The following RGL3 variants were observed in gnomAD, a reference collection of about 807,000 sequenced individuals.
RGL3 encodes ral guanine nucleotide dissociation stimulator-like 3.
RGL3 carries 85 observed loss-of-function variants against 90.6 expected under a neutral mutation model. The observed-to-expected ratio is 0.94, with a 90% CI of 0.79 to 1.12. The LOEUF (loss-of-function observed/expected upper bound fraction) is 1.12. RGL3 is among the 50% of genes most tolerant of loss of function. The pLI, the probability that RGL3 is intolerant of heterozygous loss-of-function variation, is 0.00. For missense variants in RGL3, 1,034 were observed against 939.2 expected (o/e 1.10, Z -1.32); for synonymous variants, 408 against 385.5 (o/e 1.06, Z -0.68).
In RGL3 at chr19:11,394,108, C is replaced by G; in HGVS notation, c.*294G>C. ...TCATCCGCATCTGTCACTTCTGATG[C>G]GTCTCTAACATTTATAAGATTTCTC... On this transcript the variant is annotated 3_prime_UTR_variant, in exon 19 of 19. Coordinates refer to ENST00000380456, the MANE Select transcript of RGL3 (RefSeq NM_001035223.4). 1 of 320,498 alleles carries G rather than the reference C, an allele frequency of 3.1e-6. No individual in the cohort carries two copies. Among genetic ancestry groups the G allele is most frequent in the Non-Finnish European group, 6.0e-6 (1 of 167,816 alleles). The allele number at this position is 320,498 out of a possible 1,614,324, so 19.9% of individuals were successfully genotyped here.
At chr19:11,414,482 T>TATATAC (rs1332584540) in intron 5 of RGL3, among the ~76,000 whole-genome samples, 3 of 87,360 alleles carry the variant, frequency 3.4e-5, no homozygotes, top group African/African-American at 1.0e-4. Context: ...TATATATATA[T>TATATAC]ACACCTTCAT....
intron 16 of RGL3, among the ~76,000 whole-genome samples, chr19:11,398,200 C>G (rs1321765278): frequency 2.0e-5 from 3 of 152,102 alleles, no homozygotes; most frequent in Non-Finnish European, 4.4e-5. Flanking sequence ...ACACACAACC[C>G]ATGCTCATAC....
chr19:11,417,209 T>C lies in RGL3; in HGVS notation c.148-150A>G, dbSNP rs556079021. 18 of 641,538 alleles carry C rather than the reference T, an allele frequency of 2.8e-5. No individual in the cohort carries two copies. In the East Asian group the frequency reaches 5.2e-4, roughly 19 times the overall value. The allele number at this position is 641,538 out of a possible 1,614,324, so 39.7% of individuals were successfully genotyped here. On this transcript the variant is annotated intron_variant, in intron 2 of 18. Transcript: ENST00000380456. ...CTCTGTTGCCCAGGCTGGAGTGCAG[T>C]GGCACGATCTTGGGTCACTTCAACT...
At position 11,406,404 on chromosome 19, in the gene RGL3, G is replaced by C; in HGVS notation, c.996+15C>G. 1 of 1,523,758 alleles carries C rather than the reference G, an allele frequency of 6.6e-7. No individual in the cohort carries two copies. The highest frequency in any genetic ancestry group is 8.8e-7 in the Non-Finnish European group (1 of 1,137,808). The allele number at this position is 1,523,758 out of a possible 1,614,324, so 94.4% of individuals were successfully genotyped here. ...GGGCCCGCCCCCGCATCCCCTCTCCGCGCCCGCAACACACCTGGGCGATGC... is the reference window on the plus strand; with the variant it reads ...GGGCCCGCCCCCGCATCCCCTCTCCCCGCCCGCAACACACCTGGGCGATGC... On this transcript the variant is annotated intron_variant, in intron 7 of 18. Transcript: ENST00000380456.
Position 11,402,407 on chromosome 19 carries a change from T to TG in RGL3, c.1329+47dup, listed in dbSNP as rs758216387. The TG allele has an allele frequency of 3.8e-6, 6 of 1,577,258 alleles. No individual in the cohort carries two copies. In the African/African-American group the frequency reaches 8.1e-5, roughly 21 times the overall value. On this transcript the variant is annotated intron_variant, in intron 11 of 18. Coordinates refer to ENST00000380456, the MANE Select transcript of RGL3 (RefSeq NM_001035223.4). ...GTGGATATTGGGAGGCCCATTGTGC[T>TG]GGGGGCAAGTGGAGCTGGGGTCAGG...
intron 13 of RGL3, 59 bp from the exon 14 acceptor site, chr19:11,400,356 TAA>T: frequency 7.0e-7 from 1 of 1,425,962 alleles, no homozygotes; most frequent in Non-Finnish European, 9.4e-7. Context: ...GATGGAGAGA[TAA>T]GAGTTGGAAT....
intron 5 of RGL3, among the ~76,000 whole-genome samples, chr19:11,409,518 A>G (rs1273521434): frequency 6.6e-6 from 1 of 152,130 alleles, no homozygotes. Context: ...AACAAACAAA[A>G]ACAAAAAGAA....
intron 5 of RGL3, among the ~76,000 whole-genome samples, chr19:11,414,446 CATATATATATATACCTTCATATAT>C (rs1968944944): frequency 2.1e-5 from 1 of 46,786 alleles, no homozygotes. Flanking sequence ...CATATATATA[CATATATATATATACCTTCATATAT>C]ATATATATAT....
At chr19:11,397,142 GC>G in intron 18 of RGL3, 101 bp downstream of exon 18, 1 of 917,160 alleles carries the variant, frequency 1.1e-6, no homozygotes, top group South Asian at 1.5e-5. Context: ...GCACCTCACA[GC>G]CCTGTGAACC....
intron 13 of RGL3, 47 bp from the exon 14 acceptor site, chr19:11,400,344 G>C: frequency 6.8e-7 from 1 of 1,480,960 alleles, no homozygotes; most frequent in Non-Finnish European, 9.1e-7. Context: ...GGAAATACAG[G>C]GGATGGAGAG....
Position 11,394,149 on chromosome 19 carries a change from C to T in RGL3, c.*253G>A, listed in dbSNP as rs142635784. 650 of 425,712 alleles carry T rather than the reference C, an allele frequency of 1.5e-3. 3 individuals are homozygous for T. Among genetic ancestry groups the T allele is most frequent in the African/African-American group, 0.011 (567 of 50,258 alleles). 26.4% of individuals were successfully genotyped at this position (425,712 alleles called of 1,614,324 possible). A position where few individuals can be genotyped will look rare whatever the true frequency, so the allele number is the denominator to read the frequency against. ...AAGATTTCTCTGGGGAGGGATTTGA[C>T]GTATCCATGCCCCACCTCTTTCTAC... On this transcript the variant is annotated 3_prime_UTR_variant, in exon 19 of 19. Transcript: ENST00000380456.
At chr19:11,398,388 C>A (rs528394249) in intron 16 of RGL3, among the ~76,000 whole-genome samples, 28 of 152,082 alleles carry the variant, frequency 1.8e-4, no homozygotes, top group Non-Finnish European at 2.6e-4. Context: ...CTCTGTCACC[C>A]AGGCTGGAAT....
Position 11,405,165 on chromosome 19 carries a change from G to T in RGL3, c.1167C>A (p.Ser389Arg), listed in dbSNP as rs1320713144. 2 of 1,613,896 alleles carry T rather than the reference G, an allele frequency of 1.2e-6. No homozygotes were observed. The highest frequency in any genetic ancestry group is 2.7e-5 in the African/African-American group (2 of 74,900). Residue 389 changes from serine (S) to arginine (R), a missense_variant, in exon 9 of 19, where the codon AGC becomes AGA. Transcript: ENST00000380456. ...IFSDENNHLSSREILFQEEAT... is the reference protein window; with the variant it reads ...IFSDENNHLSRREILFQEEAT... Reference sequence around the variant, plus strand: ...TCTCTACCTGGAAAAGAATCTCTCTGCTGCTGAGGTGGTTGTTCTCATCGG... The same window carrying T: ...TCTCTACCTGGAAAAGAATCTCTCTTCTGCTGAGGTGGTTGTTCTCATCGG...
At position 11,406,553 on chromosome 19, in the gene RGL3, AGGC is replaced by A; in HGVS notation, c.859_861del (p.Ala287del). On this transcript the variant is annotated inframe_deletion, in exon 7 of 19. Transcript: ENST00000380456. ...GCCACGGTGGCGCGCACAGTGGGGGAGGCGCCTGCAGCCCCCGGCCGGTCCCTC... is the reference window on the plus strand; with the variant it reads ...GCCACGGTGGCGCGCACAGTGGGGGAGCCTGCAGCCCCCGGCCGGTCCCTC... The A allele has an allele frequency of 6.5e-7, 1 of 1,549,694 alleles. No homozygotes were observed. Among genetic ancestry groups the A allele is most frequent in the Non-Finnish European group, 8.7e-7 (1 of 1,147,588 alleles).
rs1051094500 is a variant in RGL3, at chr19:11,394,371, A to G, written c.*31T>C. 3 of 1,533,598 alleles carry G rather than the reference A, an allele frequency of 2.0e-6. No individual in the cohort carries two copies. The African/African-American group carries it at 4.1e-5, about 21-fold the overall frequency. The allele number at this position is 1,533,598 out of a possible 1,614,324, so 95.0% of individuals were successfully genotyped here. ...GAAGAGTCGCAAGCTTGCCTGTGGGACTTGTGTCTTGTGGAGAGGACAGGG... is the reference window on the plus strand; with the variant it reads ...GAAGAGTCGCAAGCTTGCCTGTGGGGCTTGTGTCTTGTGGAGAGGACAGGG... On this transcript the variant is annotated 3_prime_UTR_variant, in exon 19 of 19. Transcript: ENST00000380456.
At chr19:11,405,097 TC>T (rs769516850) in intron 9 of RGL3, 49 bp downstream of exon 9, 9 of 1,508,088 alleles carry the variant, frequency 6.0e-6, no homozygotes, top group Non-Finnish European at 8.3e-6. Flanking sequence ...CCCAAGTCCC[TC>T]CCCCGACTTC....
At chr19:11,395,411 T>C (rs1438750874) in intron 18 of RGL3, among the ~76,000 whole-genome samples, 1 of 152,132 alleles carries the variant, frequency 6.6e-6, no homozygotes, top group East Asian at 1.9e-4. Context: ...GACAGGACAA[T>C]CTCATGCTTC....
At chr19:11,415,491 T>C (rs1417603896) in intron 5 of RGL3, among the ~76,000 whole-genome samples, 2 of 152,168 alleles carry the variant, frequency 1.3e-5, no homozygotes, top group Non-Finnish European at 2.9e-5. Context: ...TGTTTTTTTT[T>C]TTAGACGGAG....
intron 2 of RGL3, 96 bp from the exon 3 acceptor site, chr19:11,417,155 T>C: frequency 6.1e-6 from 6 of 988,526 alleles, no homozygotes; most frequent in Non-Finnish European, 8.7e-6. Context: ...TCTTTTTTTT[T>C]TTGTTTTTTT....
Sources: allele counts gnomAD v4.1 joint callset (sites outside exome capture counted in the v4.1 genomes callset), GRCh38; gene constraint gnomAD v4.1.1; transcripts MANE v1.5; gene names NCBI Gene and HGNC (gene_info 2026-07-23, HGNC 2026-07-21).